SNX7: variants seen among roughly 807,000 people sequenced by gnomAD.
The protein encoded by SNX7 is sorting nexin 7, also known as sorting nexin-7.
In SNX7, 35 loss-of-function variants were observed where a neutral mutation model predicts 48.4. The observed-to-expected ratio is 0.72, with a 90% CI of 0.55 to 0.96. The LOEUF is 0.96. Among genes scored for constraint, SNX7 ranks in the 40% least tolerant of loss-of-function variants. The pLI, the probability that SNX7 is intolerant of heterozygous loss-of-function variation, is 0.00. For synonymous variants in SNX7, 190 were observed against 190.2 expected, an observed-to-expected ratio of 1.00 and a Z score of 0.01; for missense variants, 553 against 548.9, an observed-to-expected ratio of 1.01 and a Z score of -0.07.
At chr1:98,731,400 G>A (rs1412638767) in intron 7 of SNX7, among the ~76,000 whole-genome samples, 1 of 152,004 alleles carries the variant, frequency 6.6e-6, no homozygotes, top group East Asian at 1.9e-4. Context: ...TTCTCACAAA[G>A]TAGTTTTCTT....
intron 7 of SNX7, among the ~76,000 whole-genome samples, chr1:98,728,608 T>A (rs547175729): frequency 1.2e-4 from 18 of 152,238 alleles, no homozygotes; most frequent in African/African-American, 4.3e-4. Context: ...GAGGAAAATC[T>A]ACCAAGCAAA....
chr1:98,691,937 A>ACTGTCTCT (rs1553199342), intron 4 of SNX7, among the ~76,000 whole-genome samples: 1 of 131,066 alleles, frequency 7.6e-6, no homozygotes, highest in Non-Finnish European at 1.7e-5. Flanking sequence ...ACACACACAC[A>ACTGTCTCT]CTCTCTCTCT....
At chr1:98,698,956 C>T in intron 6 of SNX7, 51 bp downstream of exon 6, 1 of 1,551,174 alleles carries the variant, frequency 6.4e-7, no homozygotes, top group Non-Finnish European at 8.9e-7. Flanking sequence ...TGATTATAAG[C>T]TCCATAAAGG....
At chr1:98,729,309 A>G (rs1653360518) in intron 7 of SNX7, among the ~76,000 whole-genome samples, 1 of 152,188 alleles carries the variant, frequency 6.6e-6, no homozygotes, top group Non-Finnish European at 1.5e-5. Context: ...ATAGCACTAA[A>G]TGCCCACTTC....
At chr1:98,663,253 G>GTTTTTTTTTTTTTTTTT (rs61588201) in intron 1 of SNX7, among the ~76,000 whole-genome samples, 1 of 41,508 alleles carries the variant, frequency 2.4e-5, no homozygotes, top group Admixed American at 3.2e-4. Flanking sequence ...TTTCTTTCTG[G>GTTTTTTTTTTTTTTTTT]TTTTTTTTTT....
chr1:98,694,197 C>T (rs1651306913), intron 4 of SNX7, among the ~76,000 whole-genome samples: 1 of 151,480 alleles, frequency 6.6e-6, no homozygotes, highest in Non-Finnish European at 1.5e-5. Flanking sequence ...GGTGAAACCC[C>T]GTCTCTACTA....
At chr1:98,703,201 G>T (rs1341877396) in intron 7 of SNX7, among the ~76,000 whole-genome samples, 1 of 152,078 alleles carries the variant, frequency 6.6e-6, no homozygotes, top group Non-Finnish European at 1.5e-5. Flanking sequence ...ATGAGTGGAA[G>T]CCACAGGGAC....
intron 8 of SNX7, among the ~76,000 whole-genome samples, chr1:98,755,022 CTCTT>C (rs1654773675): frequency 6.6e-6 from 1 of 152,018 alleles, no homozygotes; most frequent in Non-Finnish European, 1.5e-5. Flanking sequence ...CAGTTCAAAA[CTCTT>C]TCTGATTTCT....
intron 1 of SNX7, among the ~76,000 whole-genome samples, chr1:98,663,379 C>T (rs974841836): frequency 2.1e-5 from 3 of 144,166 alleles, no homozygotes; most frequent in African/African-American, 7.7e-5. Flanking sequence ...GCCACAGTGA[C>T]TCGGATTGTT....
intron 8 of SNX7, among the ~76,000 whole-genome samples, chr1:98,756,199 T>C (rs1264334016): frequency 2.0e-5 from 3 of 151,946 alleles, no homozygotes; most frequent in African/African-American, 7.2e-5. Flanking sequence ...CCTACAAATG[T>C]GTTTTTTCAT....
At chr1:98,760,005 T>C (rs1655033708) in intron 8 of SNX7, 49 bp from the exon 9 acceptor site, 6 of 1,234,950 alleles carry the variant, frequency 4.9e-6, no homozygotes, top group African/African-American at 1.5e-5. Context: ...CCTTTAACAC[T>C]GAAAGTAAAC....
chr1:98,749,477 T>C (rs1654475212), intron 8 of SNX7, among the ~76,000 whole-genome samples: 1 of 152,148 alleles, frequency 6.6e-6, no homozygotes, highest in Non-Finnish European at 1.5e-5. Flanking sequence ...AAAAATAATA[T>C]GCAAATCCTG....
chr1:98,751,739 C>T (rs1654591556), intron 8 of SNX7, among the ~76,000 whole-genome samples: 1 of 152,084 alleles, frequency 6.6e-6, no homozygotes, highest in Admixed American at 6.6e-5. Flanking sequence ...CTGGAAAAAA[C>T]ACAGTACTGC....
At chr1:98,742,038 A>C (rs1654097183) in intron 8 of SNX7, among the ~76,000 whole-genome samples, 1 of 152,184 alleles carries the variant, frequency 6.6e-6, no homozygotes, top group Non-Finnish European at 1.5e-5. Context: ...AATATAAAAT[A>C]GAACAATTAC....
intron 1 of SNX7, among the ~76,000 whole-genome samples, chr1:98,675,939 T>C (rs1372755350): frequency 6.6e-6 from 1 of 152,174 alleles, no homozygotes; most frequent in African/African-American, 2.4e-5. Context: ...TAGCACATCA[T>C]GTACAATGTT....
chr1:98,664,463 G>A (rs549088865), intron 1 of SNX7, among the ~76,000 whole-genome samples: 6 of 152,226 alleles, frequency 3.9e-5, no homozygotes, highest in Non-Finnish European at 8.8e-5. Context: ...GGGATGCAGA[G>A]GTTGCAGTGG....
At chr1:98,757,843 A>G (rs573841474) in intron 8 of SNX7, among the ~76,000 whole-genome samples, 1 of 151,992 alleles carries the variant, frequency 6.6e-6, no homozygotes, top group South Asian at 2.1e-4. Flanking sequence ...ACTACACTAT[A>G]CTTCCTCACA....
chr1:98,704,367 C>T (rs993723243), intron 7 of SNX7, among the ~76,000 whole-genome samples: 4 of 152,032 alleles, frequency 2.6e-5, no homozygotes, highest in African/African-American at 4.8e-5. Flanking sequence ...TTTTGTTTAT[C>T]ATCAAAACAA....
intron 7 of SNX7, among the ~76,000 whole-genome samples, chr1:98,709,419 A>T (rs1014078602): frequency 3.3e-5 from 5 of 152,142 alleles, no homozygotes; most frequent in African/African-American, 1.2e-4. Flanking sequence ...TTGCATAGAT[A>T]CTTTAAATTG....
Sources: gnomAD v4.1 joint callset for allele counts (sites outside exome capture counted in the v4.1 genomes callset) on GRCh38, gnomAD v4.1.1 for gene constraint, MANE v1.5 for transcripts, NCBI Gene and HGNC (gene_info 2026-07-23, HGNC 2026-07-21) for gene names.